The following DMD variants were observed in gnomAD, a reference collection of about 807,000 sequenced individuals.
The protein encoded by DMD is mutant dystrophin.
DMD carries 63 observed loss-of-function variants against 330.1 expected under a neutral mutation model. The ratio of observed to expected loss-of-function variants is 0.19; its 90% CI spans 0.16 to 0.24. The LOEUF is 0.24. Among genes scored for constraint, DMD ranks in the 10% least tolerant of loss-of-function variants. The pLI is 1.00. For missense variants in DMD, 3,344 were observed against 2,684.1 expected (o/e 1.25, Z -5.43); for synonymous variants, 1,223 against 959.8 (o/e 1.27, Z -5.07).
At chrX:31,896,847 G>T (rs1397866230) in intron 47 of DMD, among the ~76,000 whole-genome samples, 6 of 111,161 alleles carry the variant, frequency 5.4e-5, no homozygotes, top group Non-Finnish European at 7.6e-5. Flanking sequence ...TTGAGTTTTT[G>T]ATCTAAAATT....
Position 31,397,109 on chromosome X carries a change from C to T in DMD, c.9084+47372G>A, listed in dbSNP as rs143563773. Among the ~76,000 whole-genome samples the T allele has an allele frequency of 7.6e-3, 852 of 111,962 alleles. 11 individuals are homozygous for T. The highest frequency in any genetic ancestry group is 0.026 in the African/African-American group (790 of 30,813). On this transcript the variant is annotated intron_variant, in intron 60 of 78. Coordinates refer to ENST00000357033, the MANE Select transcript of DMD (RefSeq NM_004006.3). ...AGCTTTGATGGGGCTCCTTTATTTG[C>T]AACATTTAGATTAAGTTAATGACTG...
intron 30 of DMD, among the ~76,000 whole-genome samples, chrX:32,409,467 A>T (rs1231741937): frequency 2.7e-5 from 3 of 111,688 alleles, no homozygotes; most frequent in Non-Finnish European, 5.7e-5. Flanking sequence ...ATTAAAAACA[A>T]GTAATGTTTA....
At chrX:32,310,371 A>T in intron 41 of DMD, 95 bp from the exon 42 acceptor site, 2 of 709,040 alleles carry the variant, frequency 2.8e-6, no homozygotes, top group Non-Finnish European at 4.4e-6. Flanking sequence ...ACAGCTGACA[A>T]TTGAATCTAC....
intron 21 of DMD, 58 bp downstream of exon 21, chrX:32,484,860 TC>T: frequency 1.8e-6 from 2 of 1,116,000 alleles, no homozygotes; most frequent in East Asian, 6.1e-5. Flanking sequence ...CTTCTGGATT[TC>T]CCCACAAATA....
rs148531168 is a variant in DMD, at chrX:31,244,288, T to C, written c.9286+16667A>G. Among the ~76,000 whole-genome samples, 1,072 of 112,066 alleles carry C rather than the reference T, an allele frequency of 9.6e-3. 4 individuals carry two copies. Among genetic ancestry groups the C allele is most frequent in the Middle Eastern group, 0.028 (6 of 215 alleles). On this transcript the variant is annotated intron_variant, in intron 63 of 78. Transcript: ENST00000357033. ...AAGAAAATTTTATCCATTAAGATAT[T>C]TGTGGTAGAAAACTATTGATTTAAA...
rs112227368 is a variant in DMD at position 32,617,064 on chromosome X, C to T, written c.1332-2611G>A. On this transcript the variant is annotated intron_variant, in intron 11 of 78. Coordinates refer to ENST00000357033, the MANE Select transcript of DMD (RefSeq NM_004006.3). ...TGTTTGGCTCCTCATGCTGCTGAAT[C>T]CACAGACAGAGAAAGGGGTTACCAT... Among the ~76,000 whole-genome samples, 738 of 110,067 alleles carry T rather than the reference C, an allele frequency of 6.7e-3. 8 individuals carry two copies. The highest frequency in any genetic ancestry group is 0.023 in the African/African-American group (685 of 30,300).
At chrX:32,118,281 T>C (rs1182947485) in intron 44 of DMD, among the ~76,000 whole-genome samples, 1 of 112,072 alleles carries the variant, frequency 8.9e-6, no homozygotes, top group Non-Finnish European at 1.9e-5. Context: ...CAAAACCCTG[T>C]GTTTCTGGAT....
intron 2 of DMD, among the ~76,000 whole-genome samples, chrX:32,853,430 A>G (rs896145457): frequency 8.9e-6 from 1 of 111,761 alleles, no homozygotes; most frequent in Non-Finnish European, 1.9e-5. Context: ...TGAGATATAA[A>G]CAAACAACAA....
intron 1 of DMD, among the ~76,000 whole-genome samples, chrX:33,327,123 T>A (rs1335059626): frequency 8.9e-6 from 1 of 112,343 alleles, no homozygotes; most frequent in Non-Finnish European, 1.9e-5. Flanking sequence ...GAAACAACTA[T>A]AAACATTTGC....
intron 26 of DMD, among the ~76,000 whole-genome samples, chrX:32,449,813 T>G (rs773210055): frequency 1.8e-5 from 2 of 110,460 alleles, no homozygotes; most frequent in South Asian, 7.6e-4. Flanking sequence ...AACCTGACAT[T>G]AGCTTTCAAA....
intron 51 of DMD, among the ~76,000 whole-genome samples, chrX:31,772,387 A>C (rs1469378133): frequency 1.1e-4 from 12 of 112,090 alleles, no homozygotes; most frequent in Non-Finnish European, 2.3e-4. Context: ...CCTGGGCTTT[A>C]AACATTATAA....
At chrX:32,573,926 C>T in intron 13 of DMD, 80 bp from the exon 14 acceptor site, 3 of 808,389 alleles carry the variant, frequency 3.7e-6, no homozygotes, top group South Asian at 4.3e-5. Flanking sequence ...AATAATTTGC[C>T]AAAGTATCTC....
At chrX:32,341,385 G>C (rs190309045) in intron 41 of DMD, among the ~76,000 whole-genome samples, 2 of 111,969 alleles carry the variant, frequency 1.8e-5, no homozygotes, top group Admixed American at 9.5e-5. Context: ...TACAAATAAA[G>C]AAGTGAGACC....
chrX:32,150,408 G>A (rs1161671431), intron 44 of DMD, among the ~76,000 whole-genome samples: 1 of 111,697 alleles, frequency 9.0e-6, no homozygotes, highest in Admixed American at 9.5e-5. Context: ...TTTTCCTATT[G>A]CAGTTGCCGG....
intron 44 of DMD, among the ~76,000 whole-genome samples, chrX:32,212,094 G>A (rs2147824094): frequency 8.9e-6 from 1 of 111,785 alleles, no homozygotes; most frequent in African/African-American, 3.2e-5. Flanking sequence ...TTTCCTTCAT[G>A]GTGTTCAGCT....
intron 44 of DMD, among the ~76,000 whole-genome samples, chrX:32,056,286 G>GA (rs1190865000): frequency 5.8e-5 from 5 of 86,025 alleles, no homozygotes; most frequent in Admixed American, 2.7e-4. Context: ...GATTAGATCA[G>GA]AAAAAAGCCA....
At chrX:32,924,520 G>C (rs992926771) in intron 2 of DMD, among the ~76,000 whole-genome samples, 8 of 111,326 alleles carry the variant, frequency 7.2e-5, no homozygotes, top group African/African-American at 2.6e-4. Context: ...GAGAGATCTT[G>C]TCCCTTAAAG....
chrX:31,232,263 T>G (rs1187036447), intron 63 of DMD, among the ~76,000 whole-genome samples: 3 of 110,243 alleles, frequency 2.7e-5, no homozygotes, highest in Admixed American at 1.9e-4. Context: ...GTGTGAAGGA[T>G]TTTGGGTGTT....
chrX:32,084,906 C>T (rs370482840), intron 44 of DMD, among the ~76,000 whole-genome samples: 29 of 110,951 alleles, frequency 2.6e-4, no homozygotes, highest in African/African-American at 7.5e-4. Context: ...AGCTGAGAGG[C>T]GCAGAGAAGC....
Sources: allele counts gnomAD v4.1 joint callset (sites outside exome capture counted in the v4.1 genomes callset), GRCh38; gene constraint gnomAD v4.1.1; transcripts MANE v1.5; gene names NCBI Gene and HGNC (gene_info 2026-07-23, HGNC 2026-07-21).